The following FASTKD1 variants were observed in gnomAD, a reference collection of about 807,000 sequenced individuals.
The protein encoded by FASTKD1 is FAST kinase domains 1, also known as FAST kinase domain-containing protein 1, mitochondrial.
A neutral mutation model predicts 90.9 loss-of-function variants in FASTKD1; 94 were observed. The observed-to-expected ratio is 1.03, with a 90% confidence interval of 0.88 to 1.23. The LOEUF (loss-of-function observed/expected upper bound fraction) is 1.23. FASTKD1 is among the 50% of genes most tolerant of loss of function. The pLI, the probability that FASTKD1 is intolerant of heterozygous loss-of-function variation, is 0.00. For synonymous variants in FASTKD1, 319 were observed against 345.8 expected, an observed-to-expected ratio of 0.92 and a Z score of 0.86; for missense variants, 945 against 993.5, an observed-to-expected ratio of 0.95 and a Z score of 0.66.
intron 9 of FASTKD1, among the ~76,000 whole-genome samples, chr2:169,540,831 C>T (rs536055542): frequency 5.3e-5 from 8 of 152,286 alleles, no homozygotes; most frequent in East Asian, 1.9e-4. Context: ...CTCAGATCTC[C>T]AAGCAGAGTG....
At chr2:169,569,561 A>T (rs1212517244) in intron 2 of FASTKD1, among the ~76,000 whole-genome samples, 5 of 152,176 alleles carry the variant, frequency 3.3e-5, no homozygotes, top group African/African-American at 1.2e-4. Flanking sequence ...TCTGATTTAA[A>T]TACTTTTGAT....
At chr2:169,548,197 G>T (rs1318475456) in intron 7 of FASTKD1, among the ~76,000 whole-genome samples, 1 of 152,010 alleles carries the variant, frequency 6.6e-6, no homozygotes, top group Non-Finnish European at 1.5e-5. Context: ...TGCTGTCGCT[G>T]AAGAAAGAAC....
chr2:169,567,110 G>GT (rs1431436485), intron 3 of FASTKD1, among the ~76,000 whole-genome samples: 1 of 147,310 alleles, frequency 6.8e-6, no homozygotes, highest in Non-Finnish European at 1.5e-5. Flanking sequence ...GCGAGACTCT[G>GT]TCTCAAAAAA....
At chr2:169,547,931 C>CAAAAAAAAAAAAAAAAAA in intron 7 of FASTKD1, among the ~76,000 whole-genome samples, 1 of 65,302 alleles carries the variant, frequency 1.5e-5, no homozygotes, top group Non-Finnish European at 3.2e-5. Context: ...TTGATAAATT[C>CAAAAAAAAAAAAAAAAAA]AAAGATGACA....
chr2:169,533,628 C>T (rs1204731709), intron 12 of FASTKD1, among the ~76,000 whole-genome samples: 8 of 151,832 alleles, frequency 5.3e-5, no homozygotes, highest in Non-Finnish European at 1.2e-4. Flanking sequence ...TAAAAATAAA[C>T]CTATTATTGT....
intron 12 of FASTKD1, among the ~76,000 whole-genome samples, chr2:169,536,784 G>A (rs972197423): frequency 6.6e-6 from 1 of 152,184 alleles, no homozygotes; most frequent in Non-Finnish European, 1.5e-5. Context: ...AATCAGGTTA[G>A]CATCAAGCAC....
At chr2:169,555,089 T>G (rs533460039) in intron 7 of FASTKD1, 35 bp downstream of exon 7, 1 of 1,584,242 alleles carries the variant, frequency 6.3e-7, no homozygotes, top group African/African-American at 1.4e-5. Flanking sequence ...GGCTAGAAAA[T>G]GAAACACTAA....
At chr2:169,573,247 C>CAGCA (rs1389045305) in intron 1 of FASTKD1, 1 of 152,220 alleles carries the variant, frequency 6.6e-6, no homozygotes, top group Non-Finnish European at 1.5e-5. Flanking sequence ...GCAAGCAGTA[C>CAGCA]AGCATCCTGA....
intron 13 of FASTKD1, 183 bp downstream of exon 13, chr2:169,531,169 T>G (rs577907443): frequency 2.6e-6 from 2 of 778,052 alleles, no homozygotes; most frequent in East Asian, 2.5e-5. Context: ...TTGCTAGGCT[T>G]TGGACAGAAG....
At chr2:169,569,782 T>G (rs1574417307) in intron 2 of FASTKD1, among the ~76,000 whole-genome samples, 1 of 151,796 alleles carries the variant, frequency 6.6e-6, no homozygotes, top group African/African-American at 2.4e-5. Flanking sequence ...ACCCTGGAGG[T>G]AGAGGTTGCA....
At position 169,538,101 on chromosome 2, in the gene FASTKD1, A is replaced by G; in HGVS notation, c.1986T>C (p.Leu662=). ...AGCAGACTGATCTATTTAACTCCAT[A>G]AGATGAAACTGGACTCTTGCACTTC... is the stretch of plus-strand genomic sequence containing the variant. The part of the protein sequence containing the change: ...PSRSARVQFH[L]MELNRSVCLE... Residue 662 remains leucine, a synonymous_variant, in exon 11 of 15, where the codon CTT becomes CTC. Coordinates refer to ENST00000453153, the MANE Select transcript of FASTKD1 (RefSeq NM_024622.6). 4 of 1,609,806 alleles carry G rather than the reference A, an allele frequency of 2.5e-6. No homozygotes were observed. Among genetic ancestry groups the G allele is most frequent in the Non-Finnish European group, 3.4e-6 (4 of 1,178,334 alleles).
Position 169,538,077 on chromosome 2 carries a change from G to A in FASTKD1, c.2010C>T (p.Cys670=). 1.2e-6 allele frequency: 2 copies of A among 1,612,450 alleles called. No homozygotes were observed. Among genetic ancestry groups the A allele is most frequent in the Non-Finnish European group, 1.7e-6 (2 of 1,179,218 alleles). Residue 670 remains cysteine, a synonymous_variant, in exon 11 of 15, where the codon TGC becomes TGT. Coordinates refer to ENST00000453153, the MANE Select transcript of FASTKD1 (RefSeq NM_024622.6). The part of the protein sequence containing the change: ...FHLMELNRSV[C]LECPEFQIPW... ...GAATCTGAAACTCAGGGCATTCCAA[G>A]CAGACTGATCTATTTAACTCCATAA...
intron 4 of FASTKD1, among the ~76,000 whole-genome samples, chr2:169,562,002 T>TTTG (rs1208490294): frequency 8.7e-6 from 1 of 114,876 alleles, no homozygotes; most frequent in Non-Finnish European, 1.7e-5. Context: ...AAATTAATTA[T>TTTG]TCATTAATTT....
intron 5 of FASTKD1, among the ~76,000 whole-genome samples, chr2:169,557,703 G>A (rs747825037): frequency 1.4e-4 from 22 of 152,110 alleles, no homozygotes; most frequent in Non-Finnish European, 2.8e-4. Flanking sequence ...GGAACATCTA[G>A]GAGTCAATAA....
intron 8 of FASTKD1, 99 bp downstream of exon 8, chr2:169,546,119 C>T (rs13013167): frequency 0.16 from 202,197 of 1,302,630 alleles, 17,609 homozygotes; most frequent in Non-Finnish European, 0.18. Context: ...ATTTTTAAAC[C>T]TCAAATTCCA....
intron 2 of FASTKD1, 32 bp from the exon 3 acceptor site, chr2:169,569,284 A>C (rs771627431): frequency 3.8e-6 from 6 of 1,587,686 alleles, no homozygotes; most frequent in Non-Finnish European, 2.6e-6. Flanking sequence ...CTCCATACAT[A>C]ATCATTTTAA....
At position 169,557,254 on chromosome 2, in the gene FASTKD1, C is replaced by T. The variant is rs141455885; in HGVS notation, c.1015G>A (p.Glu339Lys). 1.7e-4 allele frequency: 280 copies of T among 1,611,906 alleles called. No individual in the cohort carries two copies. Among genetic ancestry groups the T allele is most frequent in the Non-Finnish European group, 2.3e-4 (272 of 1,179,134 alleles). ...GCTCCCAACACTGCCAGGGCTTGCT[C>T]GCCAGTTAGGTCCTCTGACATCAAT... ...MLLMSEDLTG[E>K]QALAVLGAMG... Residue 339 changes from glutamate to lysine, a missense_variant, in exon 6 of 15, where the codon GAG (glutamate) becomes AAG (lysine). Physicochemically the swap from Glu to Lys is moderately conservative, Grantham distance 56 (BLOSUM62 1). Transcript: ENST00000453153.
At chr2:169,539,096 C>T (rs748277178) in intron 10 of FASTKD1, among the ~76,000 whole-genome samples, 4 of 151,464 alleles carry the variant, frequency 2.6e-5, no homozygotes, top group African/African-American at 4.9e-5. Flanking sequence ...GGTGAAACCT[C>T]GTCTCTACTG....
intron 3 of FASTKD1, 58 bp from the exon 4 acceptor site, chr2:169,563,408 AAT>A: frequency 8.3e-7 from 1 of 1,206,910 alleles, no homozygotes; most frequent in South Asian, 1.8e-5. Context: ...TAAAACACAT[AAT>A]ATATAGTTAT....
Sources: allele counts gnomAD v4.1 joint callset (sites outside exome capture counted in the v4.1 genomes callset), GRCh38; gene constraint gnomAD v4.1.1; transcripts MANE v1.5; gene names NCBI Gene and HGNC (gene_info 2026-07-23, HGNC 2026-07-21).